Variants in AGAP3 observed in about 807,000 individuals in gnomAD.
AGAP3 encodes the protein ArfGAP with GTPase domain, ankyrin repeat and PH domain 3, also known as arf-GAP with GTPase, ANK repeat and PH domain-containing protein 3.
Under a neutral mutation model 96.9 loss-of-function variants are expected in AGAP3, and 24 were observed. The ratio of observed to expected loss-of-function variants is 0.25; its 90% CI spans 0.18 to 0.35. The LOEUF is 0.35. Ranked by LOEUF, AGAP3 falls within the 10% of genes least tolerant of loss-of-function variation. AGAP3 has a pLI of 1.00. For synonymous variants in AGAP3, 563 were observed against 536.1 expected (o/e 1.05, Z -0.69); for missense variants, 876 against 1,254.2 (o/e 0.70, Z 4.55).
rs923542836 is a variant in AGAP3 at position 151,142,891 on chromosome 7, G to A, written c.2273+257G>A. Reference sequence around the variant, plus strand: ...GGCGCATGCGCAGGGCCCCTATCACGGTGTGGTGCAGAGCGCCCACTCCGG... The same window carrying A: ...GGCGCATGCGCAGGGCCCCTATCACAGTGTGGTGCAGAGCGCCCACTCCGG... On this transcript the variant is annotated intron_variant, in intron 16 of 17. Coordinates refer to ENST00000397238, the MANE Select transcript of AGAP3 (RefSeq NM_031946.7). This position sits in a 1 kb window ranked among gnomAD's most constrained non-coding sequence, Gnocchi z 7.5. Among the ~76,000 whole-genome samples, 6 of 152,212 alleles carry A rather than the reference G, an allele frequency of 3.9e-5. No homozygotes were observed. The highest frequency in any genetic ancestry group is 1.4e-4 in the African/African-American group (6 of 41,446).
At chr7:151,112,531 C>T (rs1799339655) in intron 1 of AGAP3, among the ~76,000 whole-genome samples, 2 of 151,920 alleles carry the variant, frequency 1.3e-5, no homozygotes, top group Non-Finnish European at 2.9e-5. Flanking sequence ...TGATCCATCC[C>T]CTGTCGGATA....
At chr7:151,137,313 G>A (rs1021229221) in intron 11 of AGAP3, among the ~76,000 whole-genome samples, 8 of 152,344 alleles carry the variant, frequency 5.3e-5, no homozygotes, top group South Asian at 2.1e-4. Context: ...GGGCTCCTCC[G>A]CTTCAAGGTT....
intron 1 of AGAP3, chr7:151,089,574 T>C (rs1798307240): frequency 6.6e-6 from 1 of 152,310 alleles, no homozygotes; most frequent in Admixed American, 6.5e-5. Flanking sequence ...AGGATCCATC[T>C]GGCTCTGAGG....
chr7:151,127,225 G>A (rs896736016), intron 9 of AGAP3, among the ~76,000 whole-genome samples: 56 of 152,208 alleles, frequency 3.7e-4, no homozygotes, highest in African/African-American at 1.1e-3. Flanking sequence ...TCAGGACCAC[G>A]AGCTGCAGAC....
chr7:151,142,302 G>T lies in AGAP3; in HGVS notation c.2050+49G>T. ...GGGAGCTGGGGATGGCCCAGGGAAAGCTTCGCAAGCATCAGGGAGCAGGGA... is the reference window on the plus strand; with the variant it reads ...GGGAGCTGGGGATGGCCCAGGGAAATCTTCGCAAGCATCAGGGAGCAGGGA... On this transcript the variant is annotated intron_variant, in intron 15 of 17. Coordinates refer to ENST00000397238, the MANE Select transcript of AGAP3 (RefSeq NM_031946.7). This position sits in a 1 kb window ranked among gnomAD's most constrained non-coding sequence, Gnocchi z 7.5. 6.2e-7 allele frequency: 1 copy of T among 1,605,664 alleles called. No individual in the cohort carries two copies.
Position 151,142,731 on chromosome 7 carries a change from G to A in AGAP3, c.2273+97G>A. ...GGAGTGGCTGTGATGGTATTAGAAG[G>A]GTTAAAACTGTCTGTTGCTCTGCTT... On this transcript the variant is annotated intron_variant, in intron 16 of 17. Coordinates refer to ENST00000397238, the MANE Select transcript of AGAP3 (RefSeq NM_031946.7). The surrounding 1 kb of genome is among the most constrained non-coding windows in gnomAD (Gnocchi z 7.5). 1 of 1,300,222 alleles carries A rather than the reference G, an allele frequency of 7.7e-7. No individual in the cohort carries two copies. Among genetic ancestry groups the A allele is most frequent in the Non-Finnish European group, 1.1e-6 (1 of 942,486 alleles). 80.5% of individuals were successfully genotyped at this position (1,300,222 alleles called of 1,614,324 possible). A position where few individuals can be genotyped will look rare whatever the true frequency, so the allele number is the denominator to read the frequency against.
In AGAP3 at chr7:151,118,960, CCACTG is replaced by C. The variant is rs1449501742; in HGVS notation, c.969+333_969+337del. On this transcript the variant is annotated intron_variant, in intron 7 of 17. Coordinates refer to ENST00000397238, the MANE Select transcript of AGAP3 (RefSeq NM_031946.7). The surrounding 1 kb of genome is among the most constrained non-coding windows in gnomAD (Gnocchi z 6.1). Reference sequence around the variant, plus strand: ...ACAGGTGGCATGGTCAAGGCAGCAGCCACTGCACTTTACCTCTGCCAATGACCGTC... The same window carrying C: ...ACAGGTGGCATGGTCAAGGCAGCAGCCACTTTACCTCTGCCAATGACCGTC... 6.6e-6 allele frequency among the ~76,000 whole-genome samples: 1 copy of C among 152,224 alleles called. No homozygotes were observed. The highest frequency in any genetic ancestry group is 2.4e-5 in the African/African-American group (1 of 41,460).
At chr7:151,130,073 GC>G (rs1200270868) in intron 10 of AGAP3, among the ~76,000 whole-genome samples, 7 of 152,222 alleles carry the variant, frequency 4.6e-5, no homozygotes, top group Non-Finnish European at 7.3e-5. Flanking sequence ...ATGTCCAGCT[GC>G]CCACCTCGGT....
intron 1 of AGAP3, among the ~76,000 whole-genome samples, chr7:151,091,749 G>C (rs1798408733): frequency 6.6e-6 from 1 of 152,210 alleles, no homozygotes; most frequent in South Asian, 2.1e-4. Flanking sequence ...CTGGTACCCT[G>C]CTCCATCCAG....
intron 1 of AGAP3, among the ~76,000 whole-genome samples, chr7:151,093,242 A>G (rs922286821): frequency 2.0e-5 from 3 of 152,140 alleles, no homozygotes; most frequent in Admixed American, 2.0e-4. Flanking sequence ...CTTGGGCTCA[A>G]GCGATCTTCC....
At chr7:151,103,269 G>C (rs1392935290) in intron 1 of AGAP3, among the ~76,000 whole-genome samples, 2 of 152,236 alleles carry the variant, frequency 1.3e-5, no homozygotes, top group Admixed American at 1.3e-4. Flanking sequence ...GACAGGACCT[G>C]TACCCAGGAA....
In AGAP3 at chr7:151,140,059, C is replaced by T. The variant is rs1196583968; in HGVS notation, c.1747C>T (p.Arg583Trp). 9 of 1,605,904 alleles carry T rather than the reference C, an allele frequency of 5.6e-6. No homozygotes were observed. The highest frequency in any genetic ancestry group is 2.7e-5 in the African/African-American group (2 of 74,514). Residue 583 changes from arginine to tryptophan, a missense_variant, in exon 13 of 18, where the codon CGG becomes TGG. This residue lies in a region of AGAP3 where 155 missense variants were observed against 144.4 expected (regional missense o/e 1.07). Coordinates refer to ENST00000397238, the MANE Select transcript of AGAP3 (RefSeq NM_031946.7). This position sits in a 1 kb window ranked among gnomAD's most constrained non-coding sequence, Gnocchi z 5.4. ...TCCCCACTCCAACCGGAAGAAGCAC[C>T]GGAGGAAAAAGAGCACCGGGACCCC... ...PSPHSNRKKH[R>W]RKKSTGTPRP... is the part of the protein sequence containing the mutation.
intron 1 of AGAP3, 55 bp downstream of exon 1, chr7:151,087,127 G>A: frequency 6.5e-7 from 1 of 1,532,298 alleles, no homozygotes; most frequent in African/African-American, 1.4e-5. Flanking sequence ...TCCGGCGCCG[G>A]CCGAGGGCTC....
In AGAP3 at chr7:151,141,428, A is replaced by ACGC. The variant is rs376176647; in HGVS notation, c.1805-467_1805-465dup. On this transcript the variant is annotated intron_variant, in intron 13 of 17. Coordinates refer to ENST00000397238, the MANE Select transcript of AGAP3 (RefSeq NM_031946.7). The surrounding 1 kb of genome is among the most constrained non-coding windows in gnomAD (Gnocchi z 4.2). ...CCCAGCTCCCAGGAGCCCCACGCTG[A>ACGC]CGCCGTCAGGAATATTGGGTTTAAT... 214 of 169,860 alleles carry ACGC rather than the reference A, an allele frequency of 1.3e-3. 3 individuals carry two copies. The highest frequency in any genetic ancestry group is 4.8e-3 in the African/African-American group (203 of 41,878). The allele number at this position is 169,860 out of a possible 1,614,324, so 10.5% of individuals were successfully genotyped here. A position where few individuals can be genotyped will look rare whatever the true frequency, so the allele number is the denominator to read the frequency against.
In AGAP3 at chr7:151,142,156, G is replaced by A; in HGVS notation, c.1960-7G>A. On this transcript the variant is annotated splice_region_variant and splice_polypyrimidine_tract_variant and intron_variant, in intron 14 of 17. Transcript: ENST00000397238. The surrounding 1 kb of genome is among the most constrained non-coding windows in gnomAD (Gnocchi z 7.5). ...CCCCTTGTCTTGTCTCTCCTGCTGT[G>A]CGACAGACTCGACTGGGGAACCAGA... is the stretch of plus-strand genomic sequence containing the variant. 1 of 1,613,700 alleles carries A rather than the reference G, an allele frequency of 6.2e-7. No individual in the cohort carries two copies. The highest frequency in any genetic ancestry group is 1.1e-5 in the South Asian group (1 of 91,042).
In AGAP3 at chr7:151,128,666, C is replaced by T; in HGVS notation, c.1308C>T (p.Thr436=). 6.2e-7 allele frequency: 1 copy of T among 1,613,512 alleles called. No homozygotes were observed. The highest frequency in any genetic ancestry group is 2.2e-5 in the East Asian group (1 of 44,840). The change falls in exon 10 of 18, where the codon ACC becomes ACT. Residue 436 remains threonine (T), a synonymous_variant. Coordinates refer to ENST00000397238, the MANE Select transcript of AGAP3 (RefSeq NM_031946.7). ...YVTLCDNGLL[T]YHPSLHDYMQ... is the part of the protein sequence containing the mutation. ...CGCTCTGTGACAACGGGCTGCTCACCTATCACCCCAGCCTGCATGTGAGTC... is the reference window on the plus strand; with the variant it reads ...CGCTCTGTGACAACGGGCTGCTCACTTATCACCCCAGCCTGCATGTGAGTC...
intron 1 of AGAP3, among the ~76,000 whole-genome samples, chr7:151,099,507 C>CTAGAA (rs984357972): frequency 2.2e-4 from 33 of 152,270 alleles, no homozygotes; most frequent in African/African-American, 7.9e-4. Flanking sequence ...TTCTTAAAAC[C>CTAGAA]TAGAAGTACA....
rs1799714391 is a variant in AGAP3, at chr7:151,118,648, C to T, written c.969+16C>T. The T allele has an allele frequency of 6.2e-6, 10 of 1,609,298 alleles. No individual in the cohort carries two copies. The highest frequency in any genetic ancestry group is 4.4e-5 in the South Asian group (4 of 90,968). On this transcript the variant is annotated intron_variant, in intron 7 of 17. Coordinates refer to ENST00000397238, the MANE Select transcript of AGAP3 (RefSeq NM_031946.7). The surrounding 1 kb of genome is among the most constrained non-coding windows in gnomAD (Gnocchi z 6.1). ...CATCAACCAGGTTCGGCCTGTGCCC[C>T]GCCCTGCCCTTCCTGTCCCCACCAT...
intron 9 of AGAP3, among the ~76,000 whole-genome samples, chr7:151,127,162 C>T (rs946822292): frequency 2.0e-5 from 3 of 152,184 alleles, no homozygotes; most frequent in Non-Finnish European, 4.4e-5. Flanking sequence ...TTAGGAAGAA[C>T]TTAGAGGAGG....
Sources: allele counts gnomAD v4.1 joint callset (sites outside exome capture counted in the v4.1 genomes callset), GRCh38; gene constraint gnomAD v4.1.1; regional missense constraint gnomAD v4.1.1; non-coding constraint Gnocchi (gnomAD v3.1); transcripts MANE v1.5; gene names NCBI Gene and HGNC (gene_info 2026-07-23, HGNC 2026-07-21).